The following ZNF724 variants were observed in gnomAD, a reference collection of about 807,000 sequenced individuals.
ZNF724 encodes the protein zinc finger protein 724.
A neutral mutation model predicts 29.3 loss-of-function variants in ZNF724; 14 were observed. That is an observed-to-expected ratio of 0.48 (90% CI 0.32 to 0.75). The LOEUF (loss-of-function observed/expected upper bound fraction) is 0.75, where lower values mean the gene tolerates loss of function less well. Among genes scored for constraint, ZNF724 ranks in the 30% least tolerant of loss-of-function variants. The probability of loss-of-function intolerance (pLI) is 0.04; values close to 1 mark genes in which losing one functional copy is unlikely to be tolerated. For missense variants in ZNF724, 557 were observed against 571.2 expected, an observed-to-expected ratio of 0.98 and a Z score of 0.25; for synonymous variants, 180 against 193.6, an observed-to-expected ratio of 0.93 and a Z score of 0.58.
At chr19:23,226,062 T>A (rs1277963619) in intron 3 of ZNF724, among the ~76,000 whole-genome samples, 6 of 149,138 alleles carry the variant, frequency 4.0e-5, no homozygotes, top group Admixed American at 1.3e-4. Flanking sequence ...TTTTTTTTTT[T>A]TTTTTTTGAG....
In ZNF724 at chr19:23,221,648, T is replaced by TC. The variant is rs1971715207; in HGVS notation, c.*736dup. The TC allele has an allele frequency of 6.6e-6, 1 of 152,432 alleles. No homozygotes were observed. The highest frequency in any genetic ancestry group is 1.5e-5 in the Non-Finnish European group (1 of 68,386). 9.4% of individuals were successfully genotyped at this position (152,432 alleles called of 1,614,324 possible). On this transcript the variant is annotated 3_prime_UTR_variant, in exon 4 of 4. Coordinates refer to ENST00000418100, the MANE Select transcript of ZNF724 (RefSeq NM_001355404.2). ...CAGGCTGGAGTGTGGTGGCACAAAC[T>TC]CAGCTCACTGCAACCTCTGCCTCCC... is the stretch of plus-strand genomic sequence containing the variant.
chr19:23,222,347 G>A lies in ZNF724; in HGVS notation c.*38C>T, dbSNP rs1343642612. On this transcript the variant is annotated 3_prime_UTR_variant, in exon 4 of 4. Transcript: ENST00000418100. The stretch of plus-strand genomic sequence containing the variant: ...CCGCCTTGGCCTCCCAAAGTGCTGG[G>A]ATTACAGGTGTGAGCCACCACGCCT... 1.2e-6 allele frequency: 1 copy of A among 834,304 alleles called. No individual in the cohort carries two copies. Among genetic ancestry groups the A allele is most frequent in the Non-Finnish European group, 1.9e-6 (1 of 522,418 alleles). 51.7% of individuals were successfully genotyped at this position (834,304 alleles called of 1,614,324 possible). A position where few individuals can be genotyped will look rare whatever the true frequency, so the allele number is the denominator to read the frequency against.
rs969147656 is a variant in ZNF724, at chr19:23,224,005, A to G, written c.240T>C (p.Tyr80=). 1 of 656,382 alleles carries G rather than the reference A, an allele frequency of 1.5e-6. No homozygotes were observed. Among genetic ancestry groups the G allele is most frequent in the Non-Finnish European group, 2.7e-6 (1 of 366,020 alleles). 40.7% of individuals were successfully genotyped at this position (656,382 alleles called of 1,614,324 possible). The part of the protein sequence containing the change: ...MVAKPPGMCC[Y]FAQDLRPEQS... ...GCTCTGGCCGAAGGTCTTGGGCAAA[A>G]TAACAACACATACCTGAAAGAAATA... Residue 80 remains tyrosine, a synonymous_variant, in exon 4 of 4, where the codon TAT becomes TAC. Coordinates refer to ENST00000418100, the MANE Select transcript of ZNF724 (RefSeq NM_001355404.2).
At chr19:23,233,764 G>A (rs151165807) in intron 1 of ZNF724, among the ~76,000 whole-genome samples, 13 of 151,250 alleles carry the variant, frequency 8.6e-5, no homozygotes, top group African/African-American at 2.4e-4. Context: ...GAGGCAGGGC[G>A]GATACAGCTC....
intron 3 of ZNF724, among the ~76,000 whole-genome samples, chr19:23,227,566 A>C (rs1463516868): frequency 4.5e-5 from 5 of 110,348 alleles, no homozygotes; most frequent in Non-Finnish European, 8.4e-5. Flanking sequence ...AAAAAAAAAA[A>C]AAAACAAAAA....
intron 3 of ZNF724, chr19:23,230,881 G>GTTTATTTA (rs997841571): frequency 6.6e-6 from 1 of 152,620 alleles, no homozygotes; most frequent in African/African-American, 2.4e-5. Context: ...ATTTTTATTC[G>GTTTATTTA]TTTATTTATT....
intron 1 of ZNF724, among the ~76,000 whole-genome samples, chr19:23,239,044 T>C (rs577473877): frequency 6.7e-6 from 1 of 149,494 alleles, no homozygotes; most frequent in South Asian, 2.1e-4. Flanking sequence ...AAAGGTGTTC[T>C]AAAAAAATCC....
intron 3 of ZNF724, 149 bp from the exon 4 acceptor site, chr19:23,224,167 GTTGAAAGGC>G: frequency 2.0e-6 from 1 of 501,590 alleles, no homozygotes; most frequent in African/African-American, 2.0e-5. Flanking sequence ...CTCCCAGCAC[GTTGAAAGGC>G]TGAGATGGGC....
At position 23,225,992 on chromosome 19, in the gene ZNF724, C is replaced by CA. The variant is rs1048008200; in HGVS notation, c.227-1975dup. ...TCAATTCCCCAAGCTGCTAGGACCA[C>CA]AGGCGCACCCCACCCCATGCCTGGT... On this transcript the variant is annotated intron_variant, in intron 3 of 3. Transcript: ENST00000418100. Among the ~76,000 whole-genome samples the CA allele has an allele frequency of 1.3e-3, 194 of 151,746 alleles. 1 individual carries two copies. The highest frequency in any genetic ancestry group is 4.6e-3 in the African/African-American group (189 of 41,354).
intron 1 of ZNF724, among the ~76,000 whole-genome samples, chr19:23,245,395 C>T (rs1408508572): frequency 1.3e-5 from 2 of 152,134 alleles, no homozygotes. Context: ...AGGTGGATCA[C>T]GAGGTCAGGA....
At position 23,222,937 on chromosome 19, in the gene ZNF724, T is replaced by C. The variant is rs747811879; in HGVS notation, c.1308A>G (p.Gln436=). The change falls in exon 4 of 4, where the codon CAA becomes CAG. Residue 436 remains glutamine (Q), a synonymous_variant. Transcript: ENST00000418100. ...ECGKAFNQFS[Q]LTTHKIIHTG... ...TATGAATTATCTTATGTGTAGTAAG[T>C]TGTGAGAACTGGTTAAAGGCTTTGC... 3 of 1,380,044 alleles carry C rather than the reference T, an allele frequency of 2.2e-6. No homozygotes were observed. Among genetic ancestry groups the C allele is most frequent in the East Asian group, 4.6e-5 (2 of 43,454 alleles). The allele number at this position is 1,380,044 out of a possible 1,614,324, so 85.5% of individuals were successfully genotyped here. A position where few individuals can be genotyped will look rare whatever the true frequency, so the allele number is the denominator to read the frequency against.
At chr19:23,231,442 G>T in intron 2 of ZNF724, 81 bp from the exon 3 acceptor site, 2 of 955,324 alleles carry the variant, frequency 2.1e-6, no homozygotes, top group Non-Finnish European at 3.1e-6. Context: ...GTAATTAATA[G>T]AATACTAAAT....
chr19:23,231,656 G>A (rs1206648095), intron 2 of ZNF724, among the ~76,000 whole-genome samples: 1 of 151,844 alleles, frequency 6.6e-6, no homozygotes, highest in Non-Finnish European at 1.5e-5. Flanking sequence ...GATCAGCTCA[G>A]GAATATAAAA....
At chr19:23,235,924 A>G (rs1972015456) in intron 1 of ZNF724, among the ~76,000 whole-genome samples, 1 of 152,196 alleles carries the variant, frequency 6.6e-6, no homozygotes, top group Non-Finnish European at 1.5e-5. Flanking sequence ...TCTTCTTAAG[A>G]GATTGCAAAG....
At chr19:23,232,795 C>T (rs1971959215) in intron 1 of ZNF724, among the ~76,000 whole-genome samples, 1 of 121,810 alleles carries the variant, frequency 8.2e-6, no homozygotes, top group Non-Finnish European at 1.7e-5. Flanking sequence ...TATCAAACAT[C>T]CAACAAGTGA....
chr19:23,237,032 T>C (rs2145785349), intron 1 of ZNF724, among the ~76,000 whole-genome samples: 1 of 152,132 alleles, frequency 6.6e-6, no homozygotes, highest in South Asian at 2.1e-4. Context: ...TTTGTATTTT[T>C]AGTAGAGACA....
intron 1 of ZNF724, among the ~76,000 whole-genome samples, chr19:23,243,474 T>C (rs1252258046): frequency 1.9e-4 from 1 of 5,266 alleles, no homozygotes; most frequent in Non-Finnish European, 3.0e-4. Flanking sequence ...AGAGTCCATC[T>C]CAAAAAAAAA....
chr19:23,242,923 C>T (rs1214792140), intron 1 of ZNF724, among the ~76,000 whole-genome samples: 3 of 149,732 alleles, frequency 2.0e-5, no homozygotes, highest in African/African-American at 7.4e-5. Flanking sequence ...CCTGTAATCT[C>T]AGCTACTAGG....
At chr19:23,245,575 T>A (rs555384350) in intron 1 of ZNF724, among the ~76,000 whole-genome samples, 2 of 151,650 alleles carry the variant, frequency 1.3e-5, no homozygotes, top group East Asian at 1.9e-4. Flanking sequence ...ATCGCGCCAC[T>A]GCACTCCAGA....
Sources: gnomAD v4.1 joint callset for allele counts (sites outside exome capture counted in the v4.1 genomes callset) on GRCh38, gnomAD v4.1.1 for gene constraint, MANE v1.5 for transcripts, NCBI Gene and HGNC (gene_info 2026-07-23, HGNC 2026-07-21) for gene names.